FAM184A: variants seen among roughly 807,000 people sequenced by gnomAD.
The protein encoded by FAM184A is family with sequence similarity 184 member A.
In FAM184A, 99 loss-of-function variants were observed where a neutral mutation model predicts 143.8. The observed-to-expected ratio is 0.69, with a 90% CI of 0.58 to 0.81. The LOEUF is 0.81. Ranked by LOEUF, FAM184A falls within the 40% of genes least tolerant of loss-of-function variation. The pLI is 0.00. For missense variants in FAM184A, 1,217 were observed against 1,310.5 expected (o/e 0.93, Z 1.10); for synonymous variants, 427 against 446.4 (o/e 0.96, Z 0.55).
chr6:118,996,048 A>G (rs535009375), intron 9 of FAM184A, among the ~76,000 whole-genome samples: 29 of 152,286 alleles, frequency 1.9e-4, no homozygotes, highest in Non-Finnish European at 3.5e-4. Context: ...CCATCTCTTC[A>G]TTCTCTTCTC....
chr6:119,098,224 GC>G (rs1267134180), intron 1 of FAM184A, among the ~76,000 whole-genome samples: 1 of 152,178 alleles, frequency 6.6e-6, no homozygotes, highest in African/African-American at 2.4e-5. Context: ...TCTCTTGGCT[GC>G]CACCAGGTAA....
At chr6:118,984,178 T>TA (rs1562461112) in intron 9 of FAM184A, among the ~76,000 whole-genome samples, 11 of 141,246 alleles carry the variant, frequency 7.8e-5, no homozygotes, top group African/African-American at 2.7e-4. Flanking sequence ...TATATATATA[T>TA]TTATATATAT....
intron 9 of FAM184A, among the ~76,000 whole-genome samples, chr6:119,001,057 A>T (rs1410006403): frequency 4.0e-5 from 6 of 150,252 alleles, no homozygotes; most frequent in African/African-American, 1.5e-4. Context: ...CAGAGCCAAG[A>T]AGGAAGGTTT....
chr6:119,081,858 T>G (rs1251939374), upstream of FAM184A, among the ~76,000 whole-genome samples: 1 of 152,204 alleles, frequency 6.6e-6, no homozygotes, highest in African/African-American at 2.4e-5. Flanking sequence ...GACCCTCCAC[T>G]GATGTGCTCC....
At chr6:119,102,631 A>C (rs1031267686) in intron 1 of FAM184A, among the ~76,000 whole-genome samples, 4 of 151,850 alleles carry the variant, frequency 2.6e-5, no homozygotes, top group African/African-American at 9.7e-5. Context: ...CTACTAAAAA[A>C]TACATAATAT....
chr6:119,011,356 T>C lies in FAM184A; in HGVS notation c.1606A>G (p.Asn536Asp). 2 of 1,605,008 alleles carry C rather than the reference T, an allele frequency of 1.2e-6. No homozygotes were observed. The highest frequency in any genetic ancestry group is 8.5e-7 in the Non-Finnish European group (1 of 1,175,798). Residue 536 changes from asparagine to aspartate, a missense_variant, in exon 6 of 18, where the codon AAC (asparagine) becomes GAC (aspartate). By Grantham distance (23) the Asn-to-Asp change is conservative. Coordinates refer to ENST00000338891, the MANE Select transcript of FAM184A (RefSeq NM_024581.6). Reference protein sequence around the residue: ...DKNQLQQELENLKEVLEDKLN... With the variant: ...DKNQLQQELEDLKEVLEDKLN... ...TTGTCTTCCAGTACTTCCTTTAGGT[T>C]TTCTAGCTCTTGTTGAAGCTGATTT... is the stretch of plus-strand genomic sequence containing the variant.
intron 1 of FAM184A, among the ~76,000 whole-genome samples, chr6:119,100,696 C>T (rs897413457): frequency 7.3e-5 from 11 of 151,568 alleles, no homozygotes; most frequent in African/African-American, 2.7e-4. Flanking sequence ...GTGGCTCATG[C>T]TTGTAATCCC....
intron 1 of FAM184A, among the ~76,000 whole-genome samples, chr6:119,038,666 C>G (rs1786202743): frequency 6.6e-6 from 1 of 152,208 alleles, no homozygotes; most frequent in South Asian, 2.1e-4. Flanking sequence ...CAACCAGCAG[C>G]CCTCAGGGCT....
chr6:119,026,277 A>C (rs1266287165), intron 1 of FAM184A, among the ~76,000 whole-genome samples: 2 of 152,244 alleles, frequency 1.3e-5, no homozygotes, highest in East Asian at 3.9e-4. Context: ...CCTAATTTCA[A>C]ATTCCAAATT....
At chr6:119,003,086 A>G (rs746100852) in intron 8 of FAM184A, 37 bp from the exon 9 acceptor site, 32 of 1,550,114 alleles carry the variant, frequency 2.1e-5, no homozygotes, top group Non-Finnish European at 2.4e-5. Context: ...TGTAAAGAGA[A>G]TTATTCCTTT....
Position 118,960,026 on chromosome 6 carries a change from A to C in FAM184A, c.*77T>G. 8.9e-7 allele frequency: 1 copy of C among 1,118,100 alleles called. No individual in the cohort carries two copies. Among genetic ancestry groups the C allele is most frequent in the South Asian group, 1.5e-5 (1 of 65,118 alleles). The allele number at this position is 1,118,100 out of a possible 1,614,324, so 69.3% of individuals were successfully genotyped here. A position where few individuals can be genotyped will look rare whatever the true frequency, so the allele number is the denominator to read the frequency against. ...TCATTCACAGTGTTTGACATAGGAA[A>C]GCCTATTTACATAACAATCTGTATA... On this transcript the variant is annotated 3_prime_UTR_variant, in exon 18 of 18. Transcript: ENST00000338891.
chr6:118,962,944 A>C (rs970573695), intron 16 of FAM184A: 1 of 152,098 alleles, frequency 6.6e-6, no homozygotes, highest in African/African-American at 2.4e-5. Context: ...AAAAAATGCA[A>C]TTAATATACA....
chr6:118,960,042 A>T lies in FAM184A; in HGVS notation c.*61T>A. Reference sequence around the variant, plus strand: ...ACATAGGAAAGCCTATTTACATAACAATCTGTATAAAGTCATGCTCTTAGT... The same window carrying T: ...ACATAGGAAAGCCTATTTACATAACTATCTGTATAAAGTCATGCTCTTAGT... On this transcript the variant is annotated 3_prime_UTR_variant, in exon 18 of 18. Coordinates refer to ENST00000338891, the MANE Select transcript of FAM184A (RefSeq NM_024581.6). The T allele has an allele frequency of 2.2e-6, 3 of 1,336,586 alleles. No homozygotes were observed. 82.8% of individuals were successfully genotyped at this position (1,336,586 alleles called of 1,614,324 possible).
intron 1 of FAM184A, among the ~76,000 whole-genome samples, chr6:119,096,937 C>G (rs143409480): frequency 2.0e-5 from 3 of 152,294 alleles, no homozygotes; most frequent in Non-Finnish European, 4.4e-5. Context: ...GCATTCTGCA[C>G]AGTCCTGCTT....
intron 9 of FAM184A, among the ~76,000 whole-genome samples, chr6:119,002,282 C>A (rs918457955): frequency 1.3e-5 from 2 of 152,024 alleles, no homozygotes; most frequent in Non-Finnish European, 2.9e-5. Context: ...ACTTGCTCTG[C>A]GGAAGAATGT....
chr6:119,121,383 C>T (rs1789208615), intron 1 of FAM184A, among the ~76,000 whole-genome samples: 1 of 152,210 alleles, frequency 6.6e-6, no homozygotes, highest in African/African-American at 2.4e-5. Flanking sequence ...GCAGTCAGCC[C>T]ACCTGGGCCT....
At chr6:119,020,835 G>A (rs147079451) in intron 3 of FAM184A, among the ~76,000 whole-genome samples, 1,698 of 152,214 alleles carry the variant, frequency 0.011, 30 homozygotes, top group Middle Eastern at 0.058. Flanking sequence ...GCAACATAGC[G>A]AGACCTCATC....
intron 1 of FAM184A, among the ~76,000 whole-genome samples, chr6:119,135,298 A>G (rs114728956): frequency 6.6e-6 from 1 of 152,178 alleles, no homozygotes; most frequent in African/African-American, 2.4e-5. Context: ...AGAATGGTCA[A>G]TACCCAATAC....
intron 14 of FAM184A, among the ~76,000 whole-genome samples, chr6:118,974,064 T>C (rs968516420): frequency 1.3e-5 from 2 of 152,180 alleles, no homozygotes; most frequent in Non-Finnish European, 2.9e-5. Flanking sequence ...ATATACATTA[T>C]TAGTGTGTAT....
Sources: gnomAD v4.1 joint callset for allele counts (sites outside exome capture counted in the v4.1 genomes callset) on GRCh38, gnomAD v4.1.1 for gene constraint, MANE v1.5 for transcripts, NCBI Gene and HGNC (gene_info 2026-07-23, HGNC 2026-07-21) for gene names.